PUM1: variants seen among roughly 807,000 people sequenced by gnomAD.
The protein encoded by PUM1 is pumilio RNA binding family member 1, also known as pumilio homolog 1.
In PUM1, 13 loss-of-function variants were observed where a neutral mutation model predicts 131.8. The observed-to-expected ratio is 0.10, with a 90% CI of 0.06 to 0.16. The LOEUF is 0.16. PUM1 is among the 10% of genes least tolerant of loss of function. The probability of loss-of-function intolerance (pLI) is 1.00; values close to 1 mark genes in which losing one functional copy is unlikely to be tolerated. For missense variants in PUM1, 961 were observed against 1,512.4 expected (o/e 0.64, Z 6.05); for synonymous variants, 509 against 556.5 (o/e 0.91, Z 1.20).
At chr1:31,062,569 G>A (rs774920367) in intron 1 of PUM1, among the ~76,000 whole-genome samples, 69 of 149,328 alleles carry the variant, frequency 4.6e-4, no homozygotes, top group Admixed American at 1.2e-3. Flanking sequence ...GCAGTGAGCC[G>A]AGATCAAGGC....
chr1:31,045,399 A>C (rs555729597), intron 2 of PUM1, among the ~76,000 whole-genome samples: 1 of 152,066 alleles, frequency 6.6e-6, no homozygotes, highest in African/African-American at 2.4e-5. Flanking sequence ...CAGCCTCCCA[A>C]AGTGCTGGGA....
chr1:31,021,248 G>A (rs958657238), intron 3 of PUM1, among the ~76,000 whole-genome samples: 4 of 152,198 alleles, frequency 2.6e-5, no homozygotes, highest in Non-Finnish European at 1.5e-5. Flanking sequence ...TTTGCAGACA[G>A]CCTGAATATA....
At chr1:31,040,520 A>C (rs1471089797) in intron 2 of PUM1, among the ~76,000 whole-genome samples, 1 of 152,262 alleles carries the variant, frequency 6.6e-6, no homozygotes, top group Non-Finnish European at 1.5e-5. Context: ...GAAACTGCAC[A>C]AACTATAAAA....
chr1:31,038,984 ATTTTTTTT>A lies in PUM1; in HGVS notation c.364-10128_364-10121del, dbSNP rs35507851. Reference sequence around the variant, plus strand: ...TATATATATATATATATATATATATATTTTTTTTTTTTTTTTCCTTTTCTCTTTTTGAG... The same window carrying A: ...TATATATATATATATATATATATATATTTTTTTTCCTTTTCTCTTTTTGAG... On this transcript the variant is annotated intron_variant, in intron 2 of 21. Transcript: ENST00000426105. 2.2e-4 allele frequency among the ~76,000 whole-genome samples: 11 copies of A among 49,420 alleles called. 1 individual carries two copies. In the African/African-American group the frequency reaches 2.3e-3, roughly 10 times the overall value. The allele number at this position is 49,420 out of a possible 152,430, so 32.4% of individuals were successfully genotyped here.
intron 14 of PUM1, among the ~76,000 whole-genome samples, chr1:30,955,646 A>T (rs1570124450): frequency 6.6e-6 from 1 of 152,222 alleles, no homozygotes; most frequent in East Asian, 1.9e-4. Context: ...CAAAAAGTTT[A>T]GATGAATAAC....
intron 3 of PUM1, among the ~76,000 whole-genome samples, chr1:31,009,784 A>C (rs1642539483): frequency 2.0e-5 from 3 of 149,906 alleles, no homozygotes; most frequent in African/African-American, 2.5e-5. Context: ...AAAAAAAAAA[A>C]AAACAAAAAC....
intron 3 of PUM1, among the ~76,000 whole-genome samples, chr1:31,015,676 CTTTTTTTTT>C (rs568144593): frequency 8.4e-6 from 1 of 119,246 alleles, no homozygotes; most frequent in Admixed American, 8.7e-5. Context: ...CTTTTTTTTT[CTTTTTTTTT>C]TTTTTGAGAT....
intron 19 of PUM1, 25 bp downstream of exon 19, chr1:30,941,973 G>T: frequency 6.5e-7 from 1 of 1,537,486 alleles, no homozygotes; most frequent in Non-Finnish European, 8.8e-7. Context: ...GGTGTTCGCA[G>T]TTCCTCTACT....
intron 7 of PUM1, among the ~76,000 whole-genome samples, chr1:30,987,121 CAATT>C (rs1319564402): frequency 6.6e-6 from 1 of 151,928 alleles, no homozygotes. Context: ...ATCAACAATA[CAATT>C]AATTCTACAC....
chr1:31,030,305 T>TC (rs1037954166), intron 2 of PUM1, among the ~76,000 whole-genome samples: 1 of 152,068 alleles, frequency 6.6e-6, no homozygotes, highest in Non-Finnish European at 1.5e-5. Context: ...TCAAACTCCC[T>TC]CCTCTGATCT....
chr1:30,997,449 G>A (rs1642020171), intron 5 of PUM1, among the ~76,000 whole-genome samples: 1 of 150,048 alleles, frequency 6.7e-6, no homozygotes, highest in South Asian at 2.1e-4. Context: ...AGTGAGCCAA[G>A]ATCACACCAT....
At chr1:30,943,517 G>A (rs762389403) in intron 18 of PUM1, among the ~76,000 whole-genome samples, 30 of 152,148 alleles carry the variant, frequency 2.0e-4, no homozygotes, top group Non-Finnish European at 7.3e-5. Flanking sequence ...CTCCCAAAGT[G>A]CTGGGATTAC....
intron 2 of PUM1, among the ~76,000 whole-genome samples, chr1:31,046,488 G>A (rs1643968363): frequency 1.5e-5 from 1 of 67,280 alleles, no homozygotes; most frequent in African/African-American, 7.3e-5. Context: ...GGGGTTTTTG[G>A]GTTTTTTTTT....
chr1:30,962,353 T>C (rs946254352), intron 14 of PUM1, among the ~76,000 whole-genome samples: 1 of 152,218 alleles, frequency 6.6e-6, no homozygotes, highest in Non-Finnish European at 1.5e-5. Context: ...GTATCATGCA[T>C]GAAAGTAGTA....
chr1:31,011,164 TACACACACACACACACACACAC>T (rs138764103), intron 3 of PUM1, among the ~76,000 whole-genome samples: 1 of 143,074 alleles, frequency 7.0e-6, no homozygotes, highest in South Asian at 2.3e-4. Context: ...TCTCTTAAAA[TACACACACACACACACACACAC>T]ACACACACAC....
chr1:30,974,713 C>A lies in PUM1; in HGVS notation c.1444G>T (p.Ala482Ser). 1 of 1,610,826 alleles carries A rather than the reference C, an allele frequency of 6.2e-7. No homozygotes were observed. The change falls in exon 10 of 22, where the codon GCT becomes TCT. Residue 482 changes from alanine to serine, a missense_variant. This residue lies in a region of PUM1 where 654 missense variants were observed against 923.9 expected (regional missense o/e 0.71). Coordinates refer to ENST00000426105, the MANE Select transcript of PUM1 (RefSeq NM_001020658.2). ...SLFQQQAAAA[A>S]AATNSANQQT... Reference sequence around the variant, plus strand: ...TGATTAGCTGAATTAGTTGCTGCAGCGGCAGCGGCAGCTTGCTGCTGGAAA... The same window carrying A: ...TGATTAGCTGAATTAGTTGCTGCAGAGGCAGCGGCAGCTTGCTGCTGGAAA...
intron 5 of PUM1, among the ~76,000 whole-genome samples, chr1:30,998,462 A>G (rs931469623): frequency 6.7e-6 from 1 of 148,372 alleles, no homozygotes; most frequent in Non-Finnish European, 1.5e-5. Flanking sequence ...CACAGAGGAG[A>G]CGCCATCTCT....
intron 21 of PUM1, among the ~76,000 whole-genome samples, chr1:30,935,227 C>A (rs1488125764): frequency 6.6e-6 from 1 of 152,210 alleles, no homozygotes; most frequent in South Asian, 2.1e-4. Context: ...ACTTGTTTTA[C>A]TTCTTCAGAT....
Position 31,054,799 on chromosome 1 carries a change from A to C in PUM1, c.363+4405T>G, listed in dbSNP as rs570278994. Among the ~76,000 whole-genome samples the C allele has an allele frequency of 2.6e-5, 4 of 152,300 alleles. No individual in the cohort carries two copies. The South Asian group carries it at 8.3e-4, about 32-fold the overall frequency. ...CTCATTATTAAGTTTACAGTCTCTAAATTTCAAGCAAAATTATGGCAAAAC... is the reference window on the plus strand; with the variant it reads ...CTCATTATTAAGTTTACAGTCTCTACATTTCAAGCAAAATTATGGCAAAAC... On this transcript the variant is annotated intron_variant, in intron 2 of 21. Transcript: ENST00000426105.
Sources: allele counts gnomAD v4.1 joint callset (sites outside exome capture counted in the v4.1 genomes callset), GRCh38; gene constraint gnomAD v4.1.1; regional missense constraint gnomAD v4.1.1; transcripts MANE v1.5; gene names NCBI Gene and HGNC (gene_info 2026-07-23, HGNC 2026-07-21).